Variants in MAPK8IP3 observed in about 807,000 individuals in gnomAD.
MAPK8IP3 encodes mitogen-activated protein kinase 8 interacting protein 3, also known as C-Jun-amino-terminal kinase-interacting protein 3.
MAPK8IP3 carries 49 observed loss-of-function variants against 157.8 expected under a neutral mutation model. The observed-to-expected ratio is 0.31, with a 90% CI of 0.25 to 0.39. The LOEUF is 0.39. Among genes scored for constraint, MAPK8IP3 ranks in the 10% least tolerant of loss-of-function variants. The pLI is 1.00. For synonymous variants in MAPK8IP3, 897 were observed against 777.7 expected (o/e 1.15, Z -2.55); for missense variants, 1,478 against 1,889.4 (o/e 0.78, Z 4.04).
intron 4 of MAPK8IP3, among the ~76,000 whole-genome samples, chr16:1,739,611 C>G (rs1206851935): frequency 3.6e-5 from 4 of 111,072 alleles, no homozygotes; most frequent in African/African-American, 1.4e-4. Context: ...TGTGAGCTTC[C>G]GTGTGACCGT....
At chr16:1,735,741 G>A (rs1310698108) in intron 4 of MAPK8IP3, among the ~76,000 whole-genome samples, 1 of 146,416 alleles carries the variant, frequency 6.8e-6, no homozygotes, top group African/African-American at 2.6e-5. Flanking sequence ...GTGAGAGTGT[G>A]ACCGTCCATG....
At position 1,766,132 on chromosome 16, in the gene MAPK8IP3, C is replaced by G. The variant is rs773461946; in HGVS notation, c.2619C>G (p.Asp873Glu). ...CCCGAGGGGACACCCCAGTGCTAGA[C>G]AAGGGGCAGGGTGAGTCCTGGGCGA... ...CSSRGDTPVL[D>E]KGQGEVATIA... The change falls in exon 21 of 32, where the codon GAC (aspartate) becomes GAG (glutamate). Residue 873 changes from aspartate (D) to glutamate (E), a missense_variant. Around this residue, in one of 11 missense-constraint regions of MAPK8IP3, gnomAD observed 669 missense variants for 759.8 expected, o/e 0.88. Transcript: ENST00000610761. 3 of 1,611,230 alleles carry G rather than the reference C, an allele frequency of 1.9e-6. No individual in the cohort carries two copies. Among genetic ancestry groups the G allele is most frequent in the Non-Finnish European group, 2.5e-6 (3 of 1,178,974 alleles).
intron 8 of MAPK8IP3, among the ~76,000 whole-genome samples, chr16:1,757,352 C>T (rs1005451088): frequency 6.6e-5 from 10 of 152,202 alleles, no homozygotes; most frequent in Non-Finnish European, 1.5e-4. Flanking sequence ...GATCCGCCCG[C>T]CTCGGCCTCC....
chr16:1,722,903 G>A (rs1410406431), intron 1 of MAPK8IP3, among the ~76,000 whole-genome samples: 3 of 151,678 alleles, frequency 2.0e-5, no homozygotes, highest in African/African-American at 4.9e-5. Context: ...GGGTTTCGCC[G>A]TGTTAGCCAG....
In MAPK8IP3 at chr16:1,767,566, GTCATTTGACGC is replaced by G; in HGVS notation, c.3241_3251del (p.Ser1081ProfsTer45). ...GATGGGCAGCCATGACTCCACAGAAGTCATTTGACGCCCACCCGCGGCGGGAGAGCCAGGTG... is the reference window on the plus strand; with the variant it reads ...GATGGGCAGCCATGACTCCACAGAAGCCACCCGCGGCGGGAGAGCCAGGTG... On this transcript the variant is annotated frameshift_variant, in exon 27 of 32. Coordinates refer to ENST00000610761, the MANE Select transcript of MAPK8IP3 (RefSeq NM_001318852.2). LOFTEE classifies it high-confidence loss of function. 1 of 1,611,474 alleles carries G rather than the reference GTCATTTGACGC, an allele frequency of 6.2e-7. No homozygotes were observed. Among genetic ancestry groups the G allele is most frequent in the South Asian group, 1.1e-5 (1 of 91,014 alleles).
At chr16:1,754,550 G>A (rs2041481887) in intron 8 of MAPK8IP3, among the ~76,000 whole-genome samples, 1 of 152,122 alleles carries the variant, frequency 6.6e-6, no homozygotes, top group Non-Finnish European at 1.5e-5. Context: ...AGGGTGGGCG[G>A]ATCACAAGGT....
rs2042083816 is a variant in MAPK8IP3 at position 1,763,694 on chromosome 16, G to A, written c.1936G>A (p.Glu646Lys). The A allele has an allele frequency of 1.3e-6, 2 of 1,594,668 alleles. No homozygotes were observed. Among genetic ancestry groups the A allele is most frequent in the Non-Finnish European group, 1.7e-6 (2 of 1,169,322 alleles). The change falls in exon 17 of 32, where the codon GAG (glutamate) becomes AAG (lysine). Residue 646 changes from glutamate to lysine, a missense_variant. Glu to Lys is a moderately conservative substitution (Grantham distance 56). This residue lies in a region of MAPK8IP3 where 669 missense variants were observed against 759.8 expected (regional missense o/e 0.88). Transcript: ENST00000610761. The part of the protein sequence containing the change: ...TSSARREQKR[E>K]QYRQVREHVR... ...CTCCGCCCGTCGAGAGCAGAAGCGC[G>A]AGCAGTACCGCCAGGTGCGTGAGCA...
rs747356129 is a variant in MAPK8IP3 at position 1,767,237 on chromosome 16, C to T, written c.3177C>T (p.Arg1059=). Residue 1059 remains arginine, a synonymous_variant, in exon 26 of 32, where the codon CGC becomes CGT. Transcript: ENST00000610761. ...SIRCMAVVYD[R]VWCGYKNKVH... ...GCTGCATGGCTGTTGTGTACGACCG[C>T]GTGTGGTGTGGCTACAAGAACAAGG... 11 of 1,613,340 alleles carry T rather than the reference C, an allele frequency of 6.8e-6. No individual in the cohort carries two copies. The highest frequency in any genetic ancestry group is 3.3e-5 in the South Asian group (3 of 91,088).
chr16:1,761,317 C>A lies in MAPK8IP3; in HGVS notation c.1539+12C>A. On this transcript the variant is annotated intron_variant, in intron 13 of 31. Transcript: ENST00000610761. The stretch of plus-strand genomic sequence containing the variant: ...TCTGTACAGAATCGGTACATCCACT[C>A]TTCACTCTTCACATGCGGGGCGTCC... The A allele has an allele frequency of 6.2e-7, 1 of 1,609,544 alleles. No individual in the cohort carries two copies. Among genetic ancestry groups the A allele is most frequent in the Non-Finnish European group, 8.5e-7 (1 of 1,177,150 alleles).
chr16:1,766,699 G>A (rs369636428), intron 23 of MAPK8IP3, 24 bp from the exon 24 acceptor site: 13 of 1,612,456 alleles, frequency 8.1e-6, no homozygotes, highest in Non-Finnish European at 1.0e-5. Context: ...TGAGCCCCTC[G>A]CCCATCGCCG....
In MAPK8IP3 at chr16:1,747,071, G is replaced by A. The variant is rs1278059477; in HGVS notation, c.790G>A (p.Ala264Thr). The A allele has an allele frequency of 1.9e-6, 3 of 1,613,426 alleles. No individual in the cohort carries two copies. The highest frequency in any genetic ancestry group is 2.5e-6 in the Non-Finnish European group (3 of 1,179,704). The change falls in exon 6 of 32, where the codon GCC becomes ACC. Residue 264 changes from alanine (A) to threonine (T), a missense_variant. This residue lies in a region of MAPK8IP3 where 315 missense variants were observed against 394.4 expected (regional missense o/e 0.80). Coordinates refer to ENST00000610761, the MANE Select transcript of MAPK8IP3 (RefSeq NM_001318852.2). ...GTCCGAGTCAGGCCAGTCCTCGGCG[G>A]CCGCCACACCCAGCACCACAGGCAC... Reference protein sequence around the residue: ...EMSESGQSSAAATPSTTGTKS... With the variant: ...EMSESGQSSATATPSTTGTKS...
At chr16:1,739,000 G>T (rs1313496846) in intron 4 of MAPK8IP3, among the ~76,000 whole-genome samples, 1 of 141,904 alleles carries the variant, frequency 7.0e-6, no homozygotes, top group Non-Finnish European at 1.5e-5. Flanking sequence ...GCATCCGTGT[G>T]TGTGACCATC....
rs929850157 is a variant in MAPK8IP3, at chr16:1,729,376, A to G, written c.511-111A>G. 3.1e-6 allele frequency: 4 copies of G among 1,276,026 alleles called. No homozygotes were observed. In the African/African-American group the frequency reaches 5.8e-5, roughly 19 times the overall value. 79.0% of individuals were successfully genotyped at this position (1,276,026 alleles called of 1,614,324 possible). ...CAGGCTGGTTAGATTCCCCTCCAGG[A>G]CGCTGTCTTGATTTCTGCCTGCACA... On this transcript the variant is annotated intron_variant, in intron 3 of 31. Transcript: ENST00000610761.
At chr16:1,767,083 A>T (rs757704641) in intron 25 of MAPK8IP3, 66 bp from the exon 26 acceptor site, 127 of 1,593,722 alleles carry the variant, frequency 8.0e-5, no homozygotes, top group Middle Eastern at 1.7e-4. Flanking sequence ...TGGGTGTCTC[A>T]ACCCGATGCC....
intron 12 of MAPK8IP3, 149 bp from the exon 13 acceptor site, chr16:1,761,075 C>A: frequency 1.5e-6 from 1 of 660,736 alleles, no homozygotes; most frequent in South Asian, 1.7e-5. Flanking sequence ...GGGCCCTGAA[C>A]CAAACGGCTG....
chr16:1,744,228 C>T (rs1011539235), intron 5 of MAPK8IP3: 228 of 985,486 alleles, frequency 2.3e-4, no homozygotes, highest in Non-Finnish European at 2.6e-4. Flanking sequence ...GAGGTGACCC[C>T]GGGTCTGGTG....
intron 4 of MAPK8IP3, chr16:1,734,921 G>A (rs915623567): frequency 6.6e-6 from 1 of 152,424 alleles, no homozygotes; most frequent in African/African-American, 2.4e-5. Context: ...CAAACGCCAG[G>A]CAGTGTTCTC....
chr16:1,767,358 G>T (rs923346085), intron 26 of MAPK8IP3, 61 bp downstream of exon 26: 1 of 1,600,538 alleles, frequency 6.2e-7, no homozygotes, highest in Admixed American at 1.7e-5. Flanking sequence ...CAGCTCTCCC[G>T]CATCTTCCAT....
chr16:1,720,801 G>C (rs1347967593), intron 1 of MAPK8IP3, among the ~76,000 whole-genome samples: 1 of 152,044 alleles, frequency 6.6e-6, no homozygotes, highest in Non-Finnish European at 1.5e-5. Flanking sequence ...TTGGGAGGCA[G>C]AAGCAGGCGG....
Sources: gnomAD v4.1 joint callset for allele counts (sites outside exome capture counted in the v4.1 genomes callset) on GRCh38, gnomAD v4.1.1 for gene constraint, gnomAD v4.1.1 regional missense constraint, MANE v1.5 for transcripts, NCBI Gene and HGNC (gene_info 2026-07-23, HGNC 2026-07-21) for gene names.